TRPC6: variants seen among roughly 807,000 people sequenced by gnomAD.
TRPC6 encodes transient receptor potential cation channel subfamily C member 6.
Under a neutral mutation model 90.7 loss-of-function variants are expected in TRPC6, and 55 were observed. The ratio of observed to expected loss-of-function variants is 0.61; its 90% CI spans 0.49 to 0.76. The LOEUF is 0.76. Among genes scored for constraint, TRPC6 ranks in the 30% least tolerant of loss-of-function variants. The pLI is 0.00. For synonymous variants in TRPC6, 393 were observed against 393.0 expected (o/e 1.00, Z 0.00); for missense variants, 989 against 1,122.7 (o/e 0.88, Z 1.70).
chr11:101,536,219 T>C (rs1383460217), intron 1 of TRPC6, among the ~76,000 whole-genome samples: 2 of 152,156 alleles, frequency 1.3e-5, no homozygotes, highest in Non-Finnish European at 2.9e-5. Flanking sequence ...AAACTCTGTC[T>C]CTACTAAAAA....
At chr11:101,546,586 G>T (rs1861312915) in intron 1 of TRPC6, among the ~76,000 whole-genome samples, 1 of 152,150 alleles carries the variant, frequency 6.6e-6, no homozygotes, top group Non-Finnish European at 1.5e-5. Context: ...GCCTTTCTGA[G>T]CTTTGGCTTT....
chr11:101,509,168 G>A (rs1214673038), intron 1 of TRPC6, among the ~76,000 whole-genome samples: 1 of 148,472 alleles, frequency 6.7e-6, no homozygotes, highest in Non-Finnish European at 1.5e-5. Flanking sequence ...TCGTTCTGTT[G>A]CCTTACTATA....
At position 101,560,021 on chromosome 11, in the gene TRPC6, C is replaced by A. The variant is rs575946191; in HGVS notation, c.170+23313G>T. Among the ~76,000 whole-genome samples the A allele has an allele frequency of 3.9e-5, 6 of 152,110 alleles. No homozygotes were observed. In the South Asian group the frequency reaches 8.3e-4, roughly 21 times the overall value. On this transcript the variant is annotated intron_variant, in intron 1 of 12. Transcript: ENST00000344327. The stretch of plus-strand genomic sequence containing the variant: ...TGTGAAAAAGTAATATCTGTCAGAT[C>A]AAGTTCTGAAATAAAAATAAAACCT...
intron 1 of TRPC6, among the ~76,000 whole-genome samples, chr11:101,521,754 C>T (rs1860666043): frequency 6.6e-6 from 1 of 152,202 alleles, no homozygotes; most frequent in Admixed American, 6.5e-5. Context: ...GGAGCTCACC[C>T]CATGCATCAG....
intron 10 of TRPC6, among the ~76,000 whole-genome samples, chr11:101,463,772 T>C (rs1048042032): frequency 2.6e-5 from 4 of 152,132 alleles, no homozygotes; most frequent in African/African-American, 4.8e-5. Context: ...CATTCACTGA[T>C]TTTTTTGAAG....
chr11:101,551,656 A>G (rs755166364), intron 1 of TRPC6, among the ~76,000 whole-genome samples: 6 of 152,036 alleles, frequency 3.9e-5, no homozygotes, highest in Non-Finnish European at 7.4e-5. Flanking sequence ...ATCTCTGCCA[A>G]TTAATGATTC....
At chr11:101,477,857 T>C (rs1304503428) in intron 5 of TRPC6, among the ~76,000 whole-genome samples, 1 of 152,244 alleles carries the variant, frequency 6.6e-6, no homozygotes, top group Non-Finnish European at 1.5e-5. Flanking sequence ...GATTGGCACA[T>C]GTATTTTTTT....
At chr11:101,454,957 T>G in intron 11 of TRPC6, 61 bp downstream of exon 11, 1 of 1,302,028 alleles carries the variant, frequency 7.7e-7, no homozygotes. Context: ...AAGAATCACA[T>G]AGTTCAAGAA....
chr11:101,533,578 G>A (rs999907875), intron 1 of TRPC6, among the ~76,000 whole-genome samples: 6 of 152,138 alleles, frequency 3.9e-5, no homozygotes, highest in Non-Finnish European at 8.8e-5. Context: ...TATCAGAGTT[G>A]TAGGTCTGAA....
chr11:101,513,331 A>G (rs1860439914), intron 1 of TRPC6, among the ~76,000 whole-genome samples: 1 of 152,196 alleles, frequency 6.6e-6, no homozygotes, highest in African/African-American at 2.4e-5. Context: ...TATGCAAAAC[A>G]TGAAGAGTAG....
In TRPC6 at chr11:101,473,801, T is replaced by C. The variant is rs750209237; in HGVS notation, c.1745-28A>G. Reference sequence around the variant, plus strand: ...AGGAAAAAGCAAAGACAAAGAGTTGTGTGAGTTTCTTCAAGTTTTTTATTT... The same window carrying C: ...AGGAAAAAGCAAAGACAAAGAGTTGCGTGAGTTTCTTCAAGTTTTTTATTT... On this transcript the variant is annotated intron_variant, in intron 6 of 12. Coordinates refer to ENST00000344327, the MANE Select transcript of TRPC6 (RefSeq NM_004621.6). The C allele has an allele frequency of 2.5e-6, 4 of 1,612,916 alleles. No homozygotes were observed. In the African/African-American group the frequency reaches 4.0e-5, roughly 16 times the overall value.
intron 1 of TRPC6, among the ~76,000 whole-genome samples, chr11:101,547,808 A>G (rs1044149059): frequency 6.6e-6 from 1 of 152,158 alleles, no homozygotes; most frequent in Non-Finnish European, 1.5e-5. Context: ...CTTTGATCCC[A>G]GTAGGCACTA....
At position 101,452,615 on chromosome 11, in the gene TRPC6, T is replaced by G; in HGVS notation, c.*340A>C. 4 of 237,894 alleles carry G rather than the reference T, an allele frequency of 1.7e-5. No individual in the cohort carries two copies. Among genetic ancestry groups the G allele is most frequent in the South Asian group, 1.2e-4 (2 of 16,294 alleles). 14.7% of individuals were successfully genotyped at this position (237,894 alleles called of 1,614,324 possible). On this transcript the variant is annotated 3_prime_UTR_variant, in exon 13 of 13. Transcript: ENST00000344327. ...TTCAGAGGAAAAACCGCATGGGGAG[T>G]AACGTGGGTCAGCCCCTGTCCGCTG...
rs1311699303 is a variant in TRPC6, at chr11:101,556,316, TG to T, written c.170+27017del. On this transcript the variant is annotated intron_variant, in intron 1 of 12. Transcript: ENST00000344327. ...AAGAAAAAATCAACAAACCTTTAGT[TG>T]GGCTCACTAAGAAAAAAAAATAGAG... 4.8e-5 allele frequency among the ~76,000 whole-genome samples: 7 copies of T among 145,214 alleles called. No individual in the cohort carries two copies. In the Middle Eastern group the frequency reaches 0.014, roughly 286 times the overall value.
intron 1 of TRPC6, among the ~76,000 whole-genome samples, chr11:101,582,268 G>GATCA (rs1862214031): frequency 6.6e-6 from 1 of 152,212 alleles, no homozygotes; most frequent in Non-Finnish European, 1.5e-5. Context: ...AGCAGGGCTT[G>GATCA]AGGCTGGGCA....
At position 101,504,256 on chromosome 11, in the gene TRPC6, AG is replaced by A; in HGVS notation, c.712del (p.Leu238SerfsTer58). The A allele has an allele frequency of 6.2e-7, 1 of 1,614,024 alleles. No homozygotes were observed. The highest frequency in any genetic ancestry group is 1.3e-5 in the African/African-American group (1 of 75,042). On this transcript the variant is annotated frameshift_variant, in exon 2 of 13. Coordinates refer to ENST00000344327, the MANE Select transcript of TRPC6 (RefSeq NM_004621.6). LOFTEE classifies it high-confidence loss of function. ...HCQEYEIVHTLLRKGARIERP... is the reference protein window; with the variant it reads ...HCQEYEIVHTXLRKGARIERP... Reference sequence around the variant, plus strand: ...TTCAATCCTAGCACCCTTCCGCAGGAGGGTATGCACAATTTCATATTCCTGG... The same window carrying A: ...TTCAATCCTAGCACCCTTCCGCAGGAGGTATGCACAATTTCATATTCCTGG...
intron 5 of TRPC6, among the ~76,000 whole-genome samples, chr11:101,480,750 T>C (rs559889921): frequency 6.6e-6 from 1 of 152,294 alleles, no homozygotes; most frequent in Non-Finnish European, 1.5e-5. Flanking sequence ...TGCCAAGTAC[T>C]GTATTATTTA....
At chr11:101,539,718 AT>A (rs1282708078) in intron 1 of TRPC6, among the ~76,000 whole-genome samples, 1 of 152,206 alleles carries the variant, frequency 6.6e-6, no homozygotes, top group Non-Finnish European at 1.5e-5. Flanking sequence ...CATAAATATT[AT>A]TATTAAAACA....
chr11:101,567,929 CT>C (rs1485395548), intron 1 of TRPC6, among the ~76,000 whole-genome samples: 1 of 152,132 alleles, frequency 6.6e-6, no homozygotes, highest in Non-Finnish European at 1.5e-5. Flanking sequence ...GCGCAAAAGG[CT>C]GAAAATTCCA....
Sources: gnomAD v4.1 joint callset for allele counts (sites outside exome capture counted in the v4.1 genomes callset) on GRCh38, gnomAD v4.1.1 for gene constraint, MANE v1.5 for transcripts, NCBI Gene and HGNC (gene_info 2026-07-23, HGNC 2026-07-21) for gene names.